Variants in PACS1 observed in about 807,000 individuals in gnomAD.
The protein encoded by PACS1 is phosphofurin acidic cluster sorting protein 1.
In PACS1, 24 loss-of-function variants were observed where a neutral mutation model predicts 115.0. That is an observed-to-expected ratio of 0.21 (90% confidence interval 0.15 to 0.29). The LOEUF (loss-of-function observed/expected upper bound fraction) is 0.29. PACS1 is among the 10% of genes least tolerant of loss of function. The pLI, the probability that PACS1 is intolerant of heterozygous loss-of-function variation, is 1.00. For synonymous variants in PACS1, 453 were observed against 504.5 expected (o/e 0.90, Z 1.37); for missense variants, 838 against 1,251.2 (o/e 0.67, Z 4.98).
chr11:66,185,261 A>G (rs1447954692), intron 1 of PACS1, among the ~76,000 whole-genome samples: 1 of 152,206 alleles, frequency 6.6e-6, no homozygotes, highest in Non-Finnish European at 1.5e-5. Context: ...ATGACCTGTT[A>G]CTAATATATT....
intron 1 of PACS1, among the ~76,000 whole-genome samples, chr11:66,134,697 A>G (rs1396487109): frequency 6.6e-6 from 1 of 151,936 alleles, no homozygotes; most frequent in Non-Finnish European, 1.5e-5. Flanking sequence ...CCCTGGCGCC[A>G]GGGCGTTGTT....
chr11:66,233,894 A>G lies in PACS1; in HGVS notation c.1948A>G (p.Thr650Ala), dbSNP rs766590737. ...CTTTGTCAAGTCCCTGGCCAACAAGACCTCCGACTGGCTTGGCTACATGCG... is the reference window on the plus strand; with the variant it reads ...CTTTGTCAAGTCCCTGGCCAACAAGGCCTCCGACTGGCTTGGCTACATGCG... ...RFFVKSLANK[T>A]SDWLGYMRFL... Residue 650 changes from threonine (T) to alanine (A), a missense_variant, in exon 16 of 24, where the codon ACC (threonine) becomes GCC (alanine). Around this residue, in one of 6 missense-constraint regions of PACS1, gnomAD observed 383 missense variants for 537.0 expected, o/e 0.71. Coordinates refer to ENST00000320580, the MANE Select transcript of PACS1 (RefSeq NM_018026.4). This position sits in a 1 kb window ranked among gnomAD's most constrained non-coding sequence, Gnocchi z 4.5. 6.3e-7 allele frequency: 1 copy of G among 1,595,086 alleles called. No homozygotes were observed. Among genetic ancestry groups the G allele is most frequent in the Non-Finnish European group, 8.5e-7 (1 of 1,169,832 alleles).
chr11:66,211,345 A>G (rs1855066084), intron 4 of PACS1, 86 bp downstream of exon 4: 1 of 1,445,766 alleles, frequency 6.9e-7, no homozygotes, highest in Non-Finnish European at 9.4e-7. Context: ...AGCCTTCCAG[A>G]TGATTTTCCC....
chr11:66,096,209 C>CTTTTTTTTT (rs66569530), intron 1 of PACS1, among the ~76,000 whole-genome samples: 65 of 119,468 alleles, frequency 5.4e-4, no homozygotes, highest in East Asian at 1.5e-3. Flanking sequence ...CTTTTTCTTT[C>CTTTTTTTTT]TTTTTTTTTT....
chr11:66,180,310 A>T (rs1859974462), intron 1 of PACS1, among the ~76,000 whole-genome samples: 1 of 151,976 alleles, frequency 6.6e-6, no homozygotes, highest in African/African-American at 2.4e-5. Context: ...ATACACAGTC[A>T]TACATTTACA....
At chr11:66,172,761 A>G (rs148595267) in intron 1 of PACS1, among the ~76,000 whole-genome samples, 4,328 of 152,198 alleles carry the variant, frequency 0.028, 234 homozygotes, top group African/African-American at 0.099. Context: ...CCAGATCACA[A>G]GGTCAAGAGA....
intron 2 of PACS1, among the ~76,000 whole-genome samples, chr11:66,203,950 TAAAAG>T (rs2134689583): frequency 6.6e-6 from 1 of 152,118 alleles, no homozygotes; most frequent in African/African-American, 2.4e-5. Flanking sequence ...ATAATAAAAA[TAAAAG>T]AAAACATTGG....
At chr11:66,165,715 G>A (rs1377246333) in intron 1 of PACS1, among the ~76,000 whole-genome samples, 1 of 144,354 alleles carries the variant, frequency 6.9e-6, no homozygotes, top group Non-Finnish European at 1.5e-5. Flanking sequence ...TACCCTGTGG[G>A]TATTTATATA....
intron 1 of PACS1, among the ~76,000 whole-genome samples, chr11:66,181,449 G>C (rs1394531400): frequency 6.6e-6 from 1 of 151,760 alleles, no homozygotes; most frequent in Non-Finnish European, 1.5e-5. Context: ...CCTGACCTCA[G>C]GTGATCCACC....
intron 1 of PACS1, among the ~76,000 whole-genome samples, chr11:66,107,801 C>T (rs1284393716): frequency 6.6e-6 from 1 of 152,218 alleles, no homozygotes; most frequent in East Asian, 1.9e-4. Context: ...GAGAAACCAG[C>T]ATAGAGAATG....
At chr11:66,112,898 G>A (rs1004950621) in intron 1 of PACS1, among the ~76,000 whole-genome samples, 4 of 152,172 alleles carry the variant, frequency 2.6e-5, no homozygotes, top group Non-Finnish European at 5.9e-5. Flanking sequence ...GATACATGGT[G>A]GAATATGGAT....
At chr11:66,115,369 G>A (rs565147634) in intron 1 of PACS1, among the ~76,000 whole-genome samples, 1 of 152,184 alleles carries the variant, frequency 6.6e-6, no homozygotes, top group African/African-American at 2.4e-5. Flanking sequence ...TTGAAATCCT[G>A]CTAATACACT....
intron 1 of PACS1, among the ~76,000 whole-genome samples, chr11:66,110,613 C>T (rs1590750975): frequency 6.6e-6 from 1 of 152,174 alleles, no homozygotes; most frequent in East Asian, 1.9e-4. Flanking sequence ...ACTCTGGTTG[C>T]CCAGGCCGGA....
At chr11:66,164,596 A>ATATATATTATATATAT (rs1175624410) in intron 1 of PACS1, among the ~76,000 whole-genome samples, 4 of 135,794 alleles carry the variant, frequency 2.9e-5, no homozygotes, top group African/African-American at 1.1e-4. Flanking sequence ...GTATTATATA[A>ATATATATTATATATAT]TATATAATAC....
rs1468493499 is a variant in PACS1, at chr11:66,216,191, G to A, written c.733G>A (p.Val245Met). The change falls in exon 5 of 24, where the codon GTG becomes ATG. Residue 245 changes from valine to methionine, a missense_variant. By Grantham distance (21) the Val-to-Met change is conservative. Transcript: ENST00000320580. ...HSNVKDVSVPVAEIKIYSLSS... is the reference protein window; with the variant it reads ...HSNVKDVSVPMAEIKIYSLSS... ...CAACGTGAAGGATGTCTCTGTGCCT[G>A]TGGCAGAAATAAAGATCTACTCCCT... 6 of 1,614,030 alleles carry A rather than the reference G, an allele frequency of 3.7e-6. No homozygotes were observed. The African/African-American group carries it at 4.0e-5, about 11-fold the overall frequency.
At chr11:66,161,693 T>A (rs1299981407) in intron 1 of PACS1, among the ~76,000 whole-genome samples, 1 of 152,210 alleles carries the variant, frequency 6.6e-6, no homozygotes, top group East Asian at 1.9e-4. Context: ...ATTGGGACAA[T>A]GAATAAATTC....
At chr11:66,133,602 G>A (rs183349984) in intron 1 of PACS1, among the ~76,000 whole-genome samples, 191 of 152,308 alleles carry the variant, frequency 1.3e-3, no homozygotes, top group African/African-American at 4.4e-3. Context: ...TGCAGCCTCC[G>A]ATTCCTGTGT....
At chr11:66,220,953 TGACAGAAGTCCTATAGGACTCTC>T (rs1350767427) in intron 9 of PACS1, among the ~76,000 whole-genome samples, 162 bp downstream of exon 9, 1 of 152,172 alleles carries the variant, frequency 6.6e-6, no homozygotes, top group East Asian at 1.9e-4. Flanking sequence ...TGCCTCTCAC[TGACAGAAGTCCTATAGGACTCTC>T]AGGAAGTACC....
intron 1 of PACS1, among the ~76,000 whole-genome samples, chr11:66,133,130 C>T (rs539217882): frequency 4.6e-5 from 7 of 152,304 alleles, no homozygotes; most frequent in South Asian, 2.1e-4. Context: ...AAGTTCTATA[C>T]ATTCTGACTC....
Sources: gnomAD v4.1 joint callset for allele counts (sites outside exome capture counted in the v4.1 genomes callset) on GRCh38, gnomAD v4.1.1 for gene constraint, gnomAD v4.1.1 regional missense constraint, Gnocchi (gnomAD v3.1) non-coding constraint, MANE v1.5 for transcripts, NCBI Gene and HGNC (gene_info 2026-07-23, HGNC 2026-07-21) for gene names.